WDR89: variants seen among roughly 807,000 people sequenced by gnomAD.
The protein encoded by WDR89 is WD repeat domain 89.
WDR89 carries 17 observed loss-of-function variants against 29.1 expected under a neutral mutation model. The observed-to-expected ratio is 0.58, with a 90% CI of 0.40 to 0.88. The LOEUF (loss-of-function observed/expected upper bound fraction) is 0.88, where lower values mean the gene tolerates loss of function less well. Among genes scored for constraint, WDR89 ranks in the 40% least tolerant of loss-of-function variants. The pLI is 0.00. For synonymous variants in WDR89, 138 were observed against 157.8 expected, an observed-to-expected ratio of 0.87 and a Z score of 0.94; for missense variants, 396 against 456.3, an observed-to-expected ratio of 0.87 and a Z score of 1.20.
At chr14:63,641,617 T>C (rs8019057) in intron 1 of WDR89, among the ~76,000 whole-genome samples, 187 bp downstream of exon 1, 25,400 of 152,290 alleles carry the variant, frequency 0.17, 5,572 homozygotes, top group African/African-American at 0.51. Flanking sequence ...AGGTTTGACC[T>C]GGTGGCTCCG....
Position 63,636,334 on chromosome 14 carries a change from T to C in WDR89, c.-138+5470A>G, listed in dbSNP as rs113922570. The stretch of plus-strand genomic sequence containing the variant: ...AGAATCAGTATTGTGAAAATGACCA[T>C]GCTGCCAAAAGCAATGTGCAAATTC... On this transcript the variant is annotated intron_variant, in intron 1 of 2. Transcript: ENST00000620954. Among the ~76,000 whole-genome samples, 1,302 of 152,292 alleles carry C rather than the reference T, an allele frequency of 8.5e-3. 13 individuals are homozygous for C. Among genetic ancestry groups the C allele is most frequent in the African/African-American group, 0.029 (1,215 of 41,542 alleles).
intron 1 of WDR89, among the ~76,000 whole-genome samples, chr14:63,626,005 T>C (rs1883015448): frequency 6.6e-6 from 1 of 151,860 alleles, no homozygotes. Flanking sequence ...AGGCATGCAC[T>C]GCCACACCCA....
chr14:63,608,473 T>C (rs374856884), intron 2 of WDR89, among the ~76,000 whole-genome samples: 1 of 152,208 alleles, frequency 6.6e-6, no homozygotes, highest in Non-Finnish European at 1.5e-5. Context: ...ATATACAACA[T>C]AGTCAATGGT....
At chr14:63,609,069 G>A (rs773389067) in intron 2 of WDR89, among the ~76,000 whole-genome samples, 17 of 151,524 alleles carry the variant, frequency 1.1e-4, no homozygotes, top group African/African-American at 3.4e-4. Context: ...CCGAGATGGC[G>A]CCACTGCACT....
chr14:63,598,795 C>T lies in WDR89; in HGVS notation c.1148G>A (p.Arg383Lys), dbSNP rs1339050283. The stretch of plus-strand genomic sequence containing the variant: ...AATGCATTATCACTGCTTTTTCCTT[C>T]TTTTATAAGAATCATTACTATGAAC... ...VRVHSNDSYKRRKKQ is the reference protein window; with the variant it reads ...VRVHSNDSYKKRKKQ The change falls in exon 3 of 3, where the codon AGA (arginine) becomes AAA (lysine). Residue 383 changes from arginine (R) to lysine (K), a missense_variant. By Grantham distance (26) the Arg-to-Lys change is conservative (BLOSUM62 2). Transcript: ENST00000620954. 13 of 1,581,432 alleles carry T rather than the reference C, an allele frequency of 8.2e-6. No homozygotes were observed. In the Admixed American group the frequency reaches 1.5e-4, roughly 18 times the overall value.
chr14:63,598,574 A>T lies in WDR89; in HGVS notation c.*205T>A, dbSNP rs1047850269. ...TCTTTAAATAAGAAATTTTACTTTC[A>T]ACTCACTGATTTTATACTTAGAGGC... On this transcript the variant is annotated 3_prime_UTR_variant, in exon 3 of 3. Coordinates refer to ENST00000620954, the MANE Select transcript of WDR89 (RefSeq NM_080666.4). 2.5e-6 allele frequency: 1 copy of T among 396,744 alleles called. No homozygotes were observed. The highest frequency in any genetic ancestry group is 4.3e-6 in the Non-Finnish European group (1 of 230,006). The allele number at this position is 396,744 out of a possible 1,614,324, so 24.6% of individuals were successfully genotyped here.
intron 2 of WDR89, among the ~76,000 whole-genome samples, chr14:63,621,513 G>A (rs185053307): frequency 1.3e-5 from 2 of 151,948 alleles, no homozygotes; most frequent in African/African-American, 2.4e-5. Context: ...CAGGAGAATC[G>A]CCTGAACCCA....
Position 63,598,995 on chromosome 14 carries a change from A to C in WDR89, c.948T>G (p.Leu316=). ...SMSGLTHVTS[L]QGGHAATVRS... ...GGACTGTAGCAGCATGCCCTCCCTG[A>C]AGGCTAGTCACATGGGTCAGTCCTG... Residue 316 remains leucine, a synonymous_variant, in exon 3 of 3, where the codon CTT becomes CTG. Coordinates refer to ENST00000620954, the MANE Select transcript of WDR89 (RefSeq NM_080666.4). The C allele has an allele frequency of 6.2e-7, 1 of 1,614,198 alleles. No homozygotes were observed.
chr14:63,603,334 A>G (rs1245151880), intron 2 of WDR89, among the ~76,000 whole-genome samples: 1 of 152,142 alleles, frequency 6.6e-6, no homozygotes, highest in African/African-American at 2.4e-5. Context: ...AGCTGCAGAC[A>G]AAGTATCACT....
chr14:63,598,917 A>T lies in WDR89; in HGVS notation c.1026T>A (p.Asp342Glu). The change falls in exon 3 of 3, where the codon GAT becomes GAA. Residue 342 changes from aspartate to glutamate, a missense_variant. Transcript: ENST00000620954. The stretch of plus-strand genomic sequence containing the variant: ...CAGGTTTCCAAAGTAACAACTGTGC[A>T]TCTTCTCCTCCAGTCAACAAAGAAT... ...QDDSLLTGGE[D>E]AQLLLWKPGA... 2 of 1,614,198 alleles carry T rather than the reference A, an allele frequency of 1.2e-6. No homozygotes were observed. Among genetic ancestry groups the T allele is most frequent in the Non-Finnish European group, 1.7e-6 (2 of 1,180,034 alleles).
intron 2 of WDR89, among the ~76,000 whole-genome samples, chr14:63,616,530 C>T (rs184813771): frequency 1.1e-3 from 163 of 152,132 alleles, no homozygotes; most frequent in Middle Eastern, 3.4e-3. Context: ...GGAAACTTCC[C>T]CCATGAGGTG....
chr14:63,623,197 CAAA>C lies in WDR89; in HGVS notation c.-32+1728_-32+1730del, dbSNP rs35075730. On this transcript the variant is annotated intron_variant, in intron 2 of 2. Transcript: ENST00000620954. The stretch of plus-strand genomic sequence containing the variant: ...TGGGTGACACAGAAAAACCAGGTCT[CAAA>C]AAAAAAAAAAAAAAAAATGCATATA... Among the ~76,000 whole-genome samples, 500 of 71,734 alleles carry C rather than the reference CAAA, an allele frequency of 7.0e-3. 3 individuals are homozygous for C. The highest frequency in any genetic ancestry group is 0.019 in the African/African-American group (455 of 23,780). The allele number at this position is 71,734 out of a possible 152,430, so 47.1% of individuals were successfully genotyped here.
intron 1 of WDR89, among the ~76,000 whole-genome samples, chr14:63,635,240 G>C (rs12588132): frequency 1.3e-5 from 2 of 152,080 alleles, no homozygotes; most frequent in African/African-American, 4.8e-5. Context: ...CAAAATACTA[G>C]CTAACTGAAT....
In WDR89 at chr14:63,619,909, G is replaced by A. The variant is rs148648645; in HGVS notation, c.-32+5019C>T. ...AATCCAAGCTACTCAGGAAGCTGAG[G>A]CAGGAGAATCACTTGAACCTGGGAG... is the stretch of plus-strand genomic sequence containing the variant. On this transcript the variant is annotated intron_variant, in intron 2 of 2. Coordinates refer to ENST00000620954, the MANE Select transcript of WDR89 (RefSeq NM_080666.4). Among the ~76,000 whole-genome samples the A allele has an allele frequency of 4.5e-3, 674 of 150,912 alleles. 15 individuals carry two copies. The highest frequency in any genetic ancestry group is 0.038 in the Admixed American group (572 of 14,988).
chr14:63,620,395 A>G (rs1009623458), intron 2 of WDR89, among the ~76,000 whole-genome samples: 1 of 152,212 alleles, frequency 6.6e-6, no homozygotes, highest in Non-Finnish European at 1.5e-5. Flanking sequence ...GTACATATCT[A>G]TATGTGAAAT....
At chr14:63,627,144 A>ACTCTCTCTCTCT (rs1471637626) in intron 1 of WDR89, among the ~76,000 whole-genome samples, 3 of 131,570 alleles carry the variant, frequency 2.3e-5, no homozygotes, top group Non-Finnish European at 4.7e-5. Flanking sequence ...ACACACACAC[A>ACTCTCTCTCTCT]CACACACTCT....
intron 2 of WDR89, among the ~76,000 whole-genome samples, chr14:63,601,339 AT>A (rs1176305118): frequency 6.6e-6 from 1 of 151,508 alleles, no homozygotes; most frequent in East Asian, 1.9e-4. Context: ...GAACCTAGGC[AT>A]TCTGGCTTCA....
At chr14:63,612,128 C>T (rs1882027285) in intron 2 of WDR89, among the ~76,000 whole-genome samples, 1 of 152,036 alleles carries the variant, frequency 6.6e-6, no homozygotes, top group Non-Finnish European at 1.5e-5. Context: ...AAAAGCCCTT[C>T]GGTCAAACTC....
intron 2 of WDR89, among the ~76,000 whole-genome samples, chr14:63,606,950 A>G (rs1374701098): frequency 6.6e-6 from 1 of 152,188 alleles, no homozygotes; most frequent in Non-Finnish European, 1.5e-5. Flanking sequence ...TCCAATGTTA[A>G]GCTATTGATC....
Sources: allele counts gnomAD v4.1 joint callset (sites outside exome capture counted in the v4.1 genomes callset), GRCh38; gene constraint gnomAD v4.1.1; transcripts MANE v1.5; gene names NCBI Gene and HGNC (gene_info 2026-07-23, HGNC 2026-07-21).